Variants in IL1RAPL2 observed in about 807,000 individuals in gnomAD.
The protein encoded by IL1RAPL2 is interleukin 1 receptor accessory protein like 2, also known as X-linked interleukin-1 receptor accessory protein-like 2.
IL1RAPL2 carries 3 observed loss-of-function variants against 44.1 expected under a neutral mutation model. The observed-to-expected ratio is 0.07, with a 90% CI of 0.03 to 0.18. The LOEUF (loss-of-function observed/expected upper bound fraction) is 0.18, where lower values mean the gene tolerates loss of function less well. Ranked by LOEUF, IL1RAPL2 falls within the 10% of genes least tolerant of loss-of-function variation. The pLI is 1.00. For missense variants in IL1RAPL2, 391 were observed against 496.4 expected, an observed-to-expected ratio of 0.79 and a Z score of 2.02; for synonymous variants, 181 against 178.8, an observed-to-expected ratio of 1.01 and a Z score of -0.10.
intron 5 of IL1RAPL2, among the ~76,000 whole-genome samples, chrX:105,346,208 T>G (rs749092924): frequency 1.8e-5 from 2 of 112,134 alleles, no homozygotes; most frequent in South Asian, 7.3e-4. Flanking sequence ...TATTAGGAAA[T>G]GTAGTTTAAT....
chrX:105,110,739 C>T (rs1287170024), intron 2 of IL1RAPL2, among the ~76,000 whole-genome samples: 1 of 110,891 alleles, frequency 9.0e-6, no homozygotes, highest in Admixed American at 9.6e-5. Context: ...GAGTTTGAGA[C>T]CAGCCTTGCC....
intron 2 of IL1RAPL2, among the ~76,000 whole-genome samples, chrX:104,721,169 C>T (rs1482027787): frequency 7.2e-5 from 8 of 111,253 alleles, no homozygotes; most frequent in Non-Finnish European, 1.9e-5. Flanking sequence ...CTGAGCAATC[C>T]CATTACTGGA....
At chrX:105,600,446 C>T (rs1212240328) in intron 6 of IL1RAPL2, among the ~76,000 whole-genome samples, 6 of 109,410 alleles carry the variant, frequency 5.5e-5, no homozygotes, top group African/African-American at 2.0e-4. Flanking sequence ...TTTTACCACA[C>T]CACCATTGAC....
At chrX:105,399,130 T>C (rs2035586817) in intron 5 of IL1RAPL2, among the ~76,000 whole-genome samples, 1 of 111,705 alleles carries the variant, frequency 9.0e-6, no homozygotes, top group Non-Finnish European at 1.9e-5. Context: ...AGAAATCCCC[T>C]TGAAAGGGCC....
chrX:105,114,272 G>A (rs923160735), intron 2 of IL1RAPL2, among the ~76,000 whole-genome samples: 2 of 111,986 alleles, frequency 1.8e-5, no homozygotes, highest in African/African-American at 6.5e-5. Flanking sequence ...CAATGAATCT[G>A]CTGGCACCTT....
At chrX:105,008,441 T>C (rs2030983775) in intron 2 of IL1RAPL2, among the ~76,000 whole-genome samples, 1 of 111,088 alleles carries the variant, frequency 9.0e-6, no homozygotes, top group Non-Finnish European at 1.9e-5. Flanking sequence ...TTTTTTCAGT[T>C]TCATATACCA....
At chrX:105,111,408 A>G (rs1460734193) in intron 2 of IL1RAPL2, among the ~76,000 whole-genome samples, 1 of 111,485 alleles carries the variant, frequency 9.0e-6, no homozygotes, top group Non-Finnish European at 1.9e-5. Context: ...AATTGATACT[A>G]ATGGCACTGA....
intron 7 of IL1RAPL2, among the ~76,000 whole-genome samples, chrX:105,726,553 G>A (rs1175227291): frequency 9.0e-6 from 1 of 111,560 alleles, no homozygotes; most frequent in Non-Finnish European, 1.9e-5. Context: ...AAAGTTAGCA[G>A]AAAACACTGT....
intron 6 of IL1RAPL2, among the ~76,000 whole-genome samples, chrX:105,583,801 TC>T (rs1412996988): frequency 8.9e-6 from 1 of 112,262 alleles, no homozygotes; most frequent in Non-Finnish European, 1.9e-5. Context: ...ACTTTATTTT[TC>T]TTTTACTAGT....
At chrX:104,601,381 G>T (rs772298069) in intron 1 of IL1RAPL2, among the ~76,000 whole-genome samples, 10 of 109,832 alleles carry the variant, frequency 9.1e-5, no homozygotes, top group Admixed American at 2.9e-4. Flanking sequence ...GTGGTGTTTG[G>T]TTTTTTGTCC....
intron 1 of IL1RAPL2, among the ~76,000 whole-genome samples, chrX:104,640,730 GTAGTA>G (rs1929917181): frequency 8.9e-6 from 1 of 112,145 alleles, no homozygotes; most frequent in African/African-American, 3.2e-5. Context: ...ATGCAGTAGT[GTAGTA>G]ATCTCCATAT....
intron 5 of IL1RAPL2, among the ~76,000 whole-genome samples, chrX:105,379,184 C>T (rs764691116): frequency 9.0e-6 from 1 of 111,444 alleles, no homozygotes; most frequent in South Asian, 3.7e-4. Context: ...TCGGTAATTT[C>T]AAGAGAGAGT....
At chrX:104,571,038 C>T (rs1391877989) in intron 1 of IL1RAPL2, among the ~76,000 whole-genome samples, 4 of 110,578 alleles carry the variant, frequency 3.6e-5, no homozygotes, top group Non-Finnish European at 7.6e-5. Flanking sequence ...CTGTGTGCCT[C>T]ATCCATCACT....
chrX:104,573,583 A>T (rs1928185375), intron 1 of IL1RAPL2, among the ~76,000 whole-genome samples: 1 of 112,374 alleles, frequency 8.9e-6, no homozygotes, highest in Non-Finnish European at 1.9e-5. Flanking sequence ...AATTAGTAAC[A>T]TTACAGGAAT....
intron 6 of IL1RAPL2, among the ~76,000 whole-genome samples, chrX:105,523,546 A>G (rs971196927): frequency 1.6e-4 from 18 of 111,729 alleles, no homozygotes; most frequent in African/African-American, 5.5e-4. Context: ...TCAACAAACA[A>G]TGATTTGACA....
chrX:105,239,530 C>A (rs1411757826), intron 4 of IL1RAPL2, among the ~76,000 whole-genome samples: 1 of 93,898 alleles, frequency 1.1e-5, no homozygotes, highest in African/African-American at 6.3e-5. Flanking sequence ...TACATTGGGC[C>A]TTCATTTTTC....
intron 7 of IL1RAPL2, among the ~76,000 whole-genome samples, chrX:105,736,948 A>C (rs187506540): frequency 8.9e-6 from 1 of 112,257 alleles, no homozygotes; most frequent in Admixed American, 9.4e-5. Context: ...CCACAGCAAT[A>C]TTCACAATAG....
At chrX:104,596,235 C>T (rs2147998541) in intron 1 of IL1RAPL2, among the ~76,000 whole-genome samples, 1 of 111,231 alleles carries the variant, frequency 9.0e-6, no homozygotes, top group East Asian at 2.8e-4. Flanking sequence ...ACTCATTTGC[C>T]ACAATTCTAA....
intron 7 of IL1RAPL2, among the ~76,000 whole-genome samples, chrX:105,720,872 C>A (rs1374441613): frequency 9.2e-6 from 1 of 109,221 alleles, no homozygotes; most frequent in African/African-American, 3.3e-5. Flanking sequence ...TTCCTATATA[C>A]CCCATACCCC....
Sources: allele counts gnomAD v4.1 joint callset (sites outside exome capture counted in the v4.1 genomes callset), GRCh38; gene constraint gnomAD v4.1.1; transcripts MANE v1.5; gene names NCBI Gene and HGNC (gene_info 2026-07-23, HGNC 2026-07-21).